Variants in EPHB1 observed in about 807,000 individuals in gnomAD.
EPHB1 encodes the protein ephrin type-B receptor 1.
EPHB1 carries 30 observed loss-of-function variants against 94.4 expected under a neutral mutation model. The ratio of observed to expected loss-of-function variants is 0.32; its 90% confidence interval spans 0.24 to 0.43. The LOEUF is 0.43. Among genes scored for constraint, EPHB1 ranks in the 20% least tolerant of loss-of-function variants. EPHB1 has a pLI of 1.00. For synonymous variants in EPHB1, 522 were observed against 489.1 expected (o/e 1.07, Z -0.89); for missense variants, 1,055 against 1,308.3 (o/e 0.81, Z 2.99).
intron 5 of EPHB1, among the ~76,000 whole-genome samples, chr3:135,149,933 G>T (rs946072074): frequency 6.6e-6 from 1 of 152,200 alleles, no homozygotes; most frequent in Admixed American, 6.5e-5. Context: ...TTCACTGTCA[G>T]TTGCCTCTGG....
At chr3:135,094,582 G>A (rs1938687485) in intron 3 of EPHB1, among the ~76,000 whole-genome samples, 1 of 152,184 alleles carries the variant, frequency 6.6e-6, no homozygotes, top group South Asian at 2.1e-4. Flanking sequence ...TGCTTCCTGG[G>A]TGACCTAAGA....
intron 4 of EPHB1, among the ~76,000 whole-genome samples, chr3:135,129,327 A>G (rs150161983): frequency 6.6e-6 from 1 of 151,932 alleles, no homozygotes; most frequent in Non-Finnish European, 1.5e-5. Flanking sequence ...ACTAGATGAG[A>G]GACTGGGCAA....
intron 3 of EPHB1, among the ~76,000 whole-genome samples, chr3:135,053,051 AT>A (rs1937238747): frequency 7.3e-6 from 1 of 137,602 alleles, no homozygotes; most frequent in African/African-American, 2.8e-5. Context: ...ATATATATAT[AT>A]ATAAAGTTGG....
chr3:135,105,375 G>A (rs1174675774), intron 3 of EPHB1, among the ~76,000 whole-genome samples: 4 of 152,164 alleles, frequency 2.6e-5, no homozygotes, highest in Non-Finnish European at 5.9e-5. Context: ...CAAACAAGTT[G>A]ACCAGTCAGT....
chr3:135,050,420 A>G (rs899067141), intron 3 of EPHB1, among the ~76,000 whole-genome samples: 1 of 152,200 alleles, frequency 6.6e-6, no homozygotes, highest in African/African-American at 2.4e-5. Context: ...TGCATTTGTC[A>G]TATTTTTGCC....
At chr3:135,176,924 C>G (rs566100214) in intron 9 of EPHB1, among the ~76,000 whole-genome samples, 1 of 152,118 alleles carries the variant, frequency 6.6e-6, no homozygotes, top group Admixed American at 6.5e-5. Context: ...TAGTTATTTT[C>G]GAAGTAACTA....
intron 3 of EPHB1, among the ~76,000 whole-genome samples, chr3:134,952,371 T>TCACACACA (rs796675356): frequency 6.7e-6 from 1 of 148,212 alleles, no homozygotes; most frequent in Non-Finnish European, 1.5e-5. Flanking sequence ...TCTCTCTCTC[T>TCACACACA]CACACACACA....
At chr3:135,106,319 T>C in intron 3 of EPHB1, 129 bp from the exon 4 acceptor site, 1 of 988,786 alleles carries the variant, frequency 1.0e-6, no homozygotes, top group Non-Finnish European at 1.5e-6. Flanking sequence ...CAACCTTAGA[T>C]CTCCCTTGGT....
chr3:135,165,607 G>C (rs1941630471), intron 7 of EPHB1, among the ~76,000 whole-genome samples: 2 of 152,200 alleles, frequency 1.3e-5, no homozygotes, highest in Non-Finnish European at 2.9e-5. Context: ...TTCAGCAGTG[G>C]TTTTCATTTA....
chr3:135,132,388 C>T (rs1218699825), intron 4 of EPHB1, among the ~76,000 whole-genome samples: 1 of 152,094 alleles, frequency 6.6e-6, no homozygotes, highest in East Asian at 1.9e-4. Context: ...ATTTTATTAA[C>T]CCTAAACCTG....
intron 12 of EPHB1, 96 bp from the exon 13 acceptor site, chr3:135,241,052 T>G: frequency 3.6e-6 from 5 of 1,394,322 alleles, no homozygotes; most frequent in Non-Finnish European, 5.1e-6. Flanking sequence ...GATATGGGAG[T>G]GAGAGTTTGG....
At chr3:135,233,472 G>C (rs1193196068) in intron 12 of EPHB1, among the ~76,000 whole-genome samples, 1 of 152,266 alleles carries the variant, frequency 6.6e-6, no homozygotes, top group Non-Finnish European at 1.5e-5. Flanking sequence ...AAGCTTTGCA[G>C]GGTACAGCTC....
intron 13 of EPHB1, among the ~76,000 whole-genome samples, chr3:135,247,269 G>C (rs1363930802): frequency 6.6e-6 from 1 of 152,150 alleles, no homozygotes; most frequent in Non-Finnish European, 1.5e-5. Flanking sequence ...GTCTATAATA[G>C]TTGGTTTTTG....
chr3:134,869,647 A>G (rs926449404), intron 1 of EPHB1, among the ~76,000 whole-genome samples: 5 of 152,202 alleles, frequency 3.3e-5, no homozygotes, highest in African/African-American at 1.2e-4. Flanking sequence ...AAGAACTTTA[A>G]GACTCTAAAG....
At chr3:135,164,519 A>C (rs2107699133) in intron 7 of EPHB1, among the ~76,000 whole-genome samples, 1 of 152,262 alleles carries the variant, frequency 6.6e-6, no homozygotes, top group Admixed American at 6.5e-5. Context: ...CACTTTAAGA[A>C]GTATTGTCAG....
In EPHB1 at chr3:135,106,546, A is replaced by G; in HGVS notation, c.904A>G (p.Thr302Ala). ...RSPAEASPIC[T>A]CRTGYYRADF... ...CCCTGCAGAGGCGTCTCCCATCTGC[A>G]CCTGTCGGACCGGTTATTACCGAGC... The change falls in exon 4 of 16, where the codon ACC becomes GCC. Residue 302 changes from threonine to alanine, a missense_variant. Physicochemically the swap from Thr to Ala is moderately conservative, Grantham distance 58 (BLOSUM62 0). Transcript: ENST00000398015. 2 of 1,613,984 alleles carry G rather than the reference A, an allele frequency of 1.2e-6. No individual in the cohort carries two copies. Among genetic ancestry groups the G allele is most frequent in the Non-Finnish European group, 1.7e-6 (2 of 1,179,882 alleles).
chr3:135,259,132 T>C lies in EPHB1; in HGVS notation c.*12T>C. 6.3e-7 allele frequency: 1 copy of C among 1,595,306 alleles called. No individual in the cohort carries two copies. The highest frequency in any genetic ancestry group is 8.6e-7 in the Non-Finnish European group (1 of 1,169,092). On this transcript the variant is annotated 3_prime_UTR_variant, in exon 16 of 16. Transcript: ENST00000398015. ...CGGCAATGGCATGAGAACTCTTGTTTCTTGGGGAAGGAGAGGAGGGAAAAG... is the reference window on the plus strand; with the variant it reads ...CGGCAATGGCATGAGAACTCTTGTTCCTTGGGGAAGGAGAGGAGGGAAAAG...
intron 3 of EPHB1, among the ~76,000 whole-genome samples, chr3:135,038,771 A>G (rs1390772327): frequency 1.3e-5 from 2 of 152,010 alleles, no homozygotes; most frequent in African/African-American, 4.8e-5. Flanking sequence ...AGCAGCGTGG[A>G]CCCAAAGAGT....
chr3:135,004,560 A>G (rs1225903835), intron 3 of EPHB1, among the ~76,000 whole-genome samples: 2 of 152,012 alleles, frequency 1.3e-5, no homozygotes, highest in Admixed American at 6.6e-5. Context: ...GTGTTTTCCA[A>G]CTTGGTTCCA....
Sources: allele counts gnomAD v4.1 joint callset (sites outside exome capture counted in the v4.1 genomes callset), GRCh38; gene constraint gnomAD v4.1.1; transcripts MANE v1.5; gene names NCBI Gene and HGNC (gene_info 2026-07-23, HGNC 2026-07-21).